The following NIBAN1 variants were observed in gnomAD, a reference collection of about 807,000 sequenced individuals.
NIBAN1 encodes niban apoptosis regulator 1, also known as protein Niban 1.
Under a neutral mutation model 75.1 loss-of-function variants are expected in NIBAN1, and 81 were observed. The observed-to-expected ratio is 1.08, with a 90% CI of 0.90 to 1.30. NIBAN1 has a LOEUF of 1.30. NIBAN1 is among the 50% of genes most tolerant of loss of function. The probability of loss-of-function intolerance (pLI) is 0.00; values close to 1 mark genes in which losing one functional copy is unlikely to be tolerated. For synonymous variants in NIBAN1, 436 were observed against 424.8 expected (o/e 1.03, Z -0.32); for missense variants, 1,133 against 1,128.1 (o/e 1.00, Z -0.06).
At position 184,884,757 on chromosome 1, in the gene NIBAN1, G is replaced by C; in HGVS notation, c.477C>G (p.Pro159=). Residue 159 remains proline, a synonymous_variant, in exon 5 of 14, where the codon CCC becomes CCG. Coordinates refer to ENST00000367511, the MANE Select transcript of NIBAN1 (RefSeq NM_052966.4). ...KENTQPFVVL[P]KEFPVYLWQP... ...GCCACAGGTACACTGGGAATTCCTT[G>C]GGCAGGACCACAAAGGGCTGAGTGT... The C allele has an allele frequency of 6.2e-7, 1 of 1,614,192 alleles. No individual in the cohort carries two copies. Among genetic ancestry groups the C allele is most frequent in the South Asian group, 1.1e-5 (1 of 91,086 alleles).
intron 1 of NIBAN1, among the ~76,000 whole-genome samples, chr1:184,902,275 T>C (rs981029012): frequency 2.0e-5 from 3 of 152,114 alleles, no homozygotes; most frequent in Non-Finnish European, 4.4e-5. Flanking sequence ...AAAATACCAC[T>C]GTGGTTAGGA....
At chr1:184,954,201 A>C (rs1286083728) in intron 1 of NIBAN1, among the ~76,000 whole-genome samples, 2 of 152,230 alleles carry the variant, frequency 1.3e-5, no homozygotes, top group Non-Finnish European at 2.9e-5. Context: ...TAGGACAAAA[A>C]GTTCAGAAAA....
At chr1:184,871,274 G>C (rs1283830155) in intron 5 of NIBAN1, among the ~76,000 whole-genome samples, 2 of 150,182 alleles carry the variant, frequency 1.3e-5, no homozygotes, top group Non-Finnish European at 3.0e-5. Flanking sequence ...TTGAACCTGG[G>C]AGGTGGAGGG....
intron 1 of NIBAN1, among the ~76,000 whole-genome samples, chr1:184,961,244 T>C (rs1658635306): frequency 6.6e-6 from 1 of 151,600 alleles, no homozygotes; most frequent in Non-Finnish European, 1.5e-5. Context: ...AATTTTTTTG[T>C]ATTTTTAGTA....
intron 5 of NIBAN1, among the ~76,000 whole-genome samples, chr1:184,867,548 G>A (rs867504268): frequency 6.6e-6 from 1 of 152,168 alleles, no homozygotes; most frequent in South Asian, 2.1e-4. Context: ...AAGAAGGAAA[G>A]GACAATGGCT....
chr1:184,803,350 G>C (rs778073495), intron 12 of NIBAN1, among the ~76,000 whole-genome samples: 1 of 152,212 alleles, frequency 6.6e-6, no homozygotes, highest in Non-Finnish European at 1.5e-5. Flanking sequence ...TGCAAATAAA[G>C]TCTGTTTATA....
chr1:184,870,259 G>A (rs566006346), intron 5 of NIBAN1, among the ~76,000 whole-genome samples: 4 of 152,142 alleles, frequency 2.6e-5, no homozygotes, highest in South Asian at 4.1e-4. Context: ...AGAGCTAAGA[G>A]CTAATCCTTT....
At chr1:184,823,041 C>T in intron 8 of NIBAN1, 126 bp downstream of exon 8, 3 of 1,130,200 alleles carry the variant, frequency 2.7e-6, no homozygotes, top group Non-Finnish European at 3.8e-6. Flanking sequence ...CCTGTTGCAG[C>T]TGTGATCACC....
intron 5 of NIBAN1, among the ~76,000 whole-genome samples, chr1:184,866,463 GA>G (rs1655959725): frequency 6.6e-6 from 1 of 152,166 alleles, no homozygotes; most frequent in African/African-American, 2.4e-5. Context: ...TTCTTTGGAG[GA>G]AAGTTAAGAA....
intron 6 of NIBAN1, among the ~76,000 whole-genome samples, chr1:184,825,975 T>C (rs572565398): frequency 6.6e-6 from 1 of 152,382 alleles, no homozygotes; most frequent in East Asian, 1.9e-4. Context: ...GAAGATTTGC[T>C]CTGAGGTCAC....
At chr1:184,902,421 C>T (rs1371098479) in intron 1 of NIBAN1, among the ~76,000 whole-genome samples, 1 of 152,046 alleles carries the variant, frequency 6.6e-6, no homozygotes, top group African/African-American at 2.4e-5. Flanking sequence ...ATTCCATGAA[C>T]TAATGCAGTA....
intron 1 of NIBAN1, among the ~76,000 whole-genome samples, chr1:184,910,957 C>A (rs1657225138): frequency 2.6e-5 from 4 of 152,132 alleles, no homozygotes; most frequent in African/African-American, 9.7e-5. Context: ...TGCTAGCTTT[C>A]AGACTAGAAC....
chr1:184,899,094 A>T, intron 2 of NIBAN1, 85 bp downstream of exon 2: 3 of 1,488,502 alleles, frequency 2.0e-6, no homozygotes, highest in Non-Finnish European at 2.8e-6. Context: ...CTGCCATTCA[A>T]ATTATTGTTT....
chr1:184,947,721 C>G (rs1201597068), intron 1 of NIBAN1, among the ~76,000 whole-genome samples: 10 of 152,162 alleles, frequency 6.6e-5, no homozygotes, highest in African/African-American at 2.4e-4. Context: ...TGGCAGAGGA[C>G]TTGGCACAGG....
chr1:184,894,237 C>G, intron 2 of NIBAN1, 31 bp from the exon 3 acceptor site: 1 of 1,568,968 alleles, frequency 6.4e-7, no homozygotes, highest in Non-Finnish European at 8.6e-7. Context: ...TTAACTATCA[C>G]AACAAAAGAT....
chr1:184,918,858 A>T (rs1250176550), intron 1 of NIBAN1, among the ~76,000 whole-genome samples: 1 of 152,222 alleles, frequency 6.6e-6, no homozygotes, highest in East Asian at 1.9e-4. Flanking sequence ...AGTAGCAGGC[A>T]CAGAATTGAT....
chr1:184,899,363 T>C, intron 1 of NIBAN1, 54 bp from the exon 2 acceptor site: 1 of 1,576,574 alleles, frequency 6.3e-7, no homozygotes, highest in African/African-American at 1.4e-5. Context: ...TATACACCTA[T>C]CTACAGAGTT....
intron 1 of NIBAN1, among the ~76,000 whole-genome samples, chr1:184,900,691 AG>A (rs1656930995): frequency 6.6e-6 from 1 of 152,122 alleles, no homozygotes; most frequent in South Asian, 2.1e-4. Context: ...GGAGGAATAG[AG>A]GGGAAAGGGT....
At chr1:184,921,811 G>T (rs903741312) in intron 1 of NIBAN1, among the ~76,000 whole-genome samples, 1 of 152,146 alleles carries the variant, frequency 6.6e-6, no homozygotes, top group Admixed American at 6.5e-5. Context: ...CATTCAAATG[G>T]TTCTAATAAG....
Sources: gnomAD v4.1 joint callset for allele counts (sites outside exome capture counted in the v4.1 genomes callset) on GRCh38, gnomAD v4.1.1 for gene constraint, MANE v1.5 for transcripts, NCBI Gene and HGNC (gene_info 2026-07-23, HGNC 2026-07-21) for gene names.